Variants in SPATA3 observed in about 807,000 individuals in gnomAD.
The protein encoded by SPATA3 is spermatogenesis associated 3.
In SPATA3, 6 loss-of-function variants were observed where a neutral mutation model predicts 5.7. The ratio of observed to expected loss-of-function variants is 1.06; its 90% CI spans 0.58 to 2.09. The LOEUF (loss-of-function observed/expected upper bound fraction) is 2.09. Ranked by LOEUF, SPATA3 falls within the 30% of genes most tolerant of loss-of-function variation. The pLI is 0.00. For synonymous variants in SPATA3, 44 were observed against 48.4 expected, an observed-to-expected ratio of 0.91 and a Z score of 0.37; for missense variants, 155 against 130.4, an observed-to-expected ratio of 1.19 and a Z score of -0.92.
downstream of SPATA3, chr2:231,007,371 AC>A (rs1692667064): frequency 1.3e-5 from 2 of 152,136 alleles, no homozygotes; most frequent in Admixed American, 1.3e-4. Context: ...GGCCCCAGTG[AC>A]CTTTTGGGCC....
At chr2:230,998,522 C>T (rs1692218609) in intron 1 of SPATA3, among the ~76,000 whole-genome samples, 1 of 152,196 alleles carries the variant, frequency 6.6e-6, no homozygotes, top group Non-Finnish European at 1.5e-5. Flanking sequence ...ATGGTGGTGG[C>T]TCGCCAGTGG....
chr2:231,017,457 T>A (rs2125127114), intron 6 of SPATA3, among the ~76,000 whole-genome samples: 1 of 152,326 alleles, frequency 6.6e-6, no homozygotes, highest in South Asian at 2.1e-4. Flanking sequence ...AAGAGTCCTA[T>A]AATTCACTCT....
chr2:231,018,833 T>C lies in SPATA3; in HGVS notation c.*566-887T>C, dbSNP rs534367102. 1.5e-4 allele frequency among the ~76,000 whole-genome samples: 23 copies of C among 151,748 alleles called. No individual in the cohort carries two copies. The East Asian group carries it at 4.1e-3, about 27-fold the overall frequency. On this transcript the variant is annotated intron_variant, in intron 6 of 8. Coordinates refer to the SPATA3 transcript ENST00000452881. The stretch of plus-strand genomic sequence containing the variant: ...CCAAGTAGCTGGGATTACAGGCACG[T>C]GCCACCACACCCAGCTAATTTTTTG...
Position 231,019,433 on chromosome 2 carries a change from C to T in SPATA3, c.*566-287C>T, listed in dbSNP as rs1266145834. On this transcript the variant is annotated intron_variant, in intron 6 of 8. Coordinates refer to the SPATA3 transcript ENST00000452881. ...CCGCCTCCCGGGTTCACACCATTCT[C>T]CTGCCTCAGCCTCCCGAGTAGCTGG... Among the ~76,000 whole-genome samples, 6 of 144,890 alleles carry T rather than the reference C, an allele frequency of 4.1e-5. 1 individual carries two copies. Among genetic ancestry groups the T allele is most frequent in the Non-Finnish European group, 7.7e-5 (5 of 64,924 alleles).
chr2:230,996,532 C>T (rs1393519866), intron 1 of SPATA3: 16 of 1,551,510 alleles, frequency 1.0e-5, no homozygotes, highest in South Asian at 4.8e-5. Flanking sequence ...TCCAGGAAAG[C>T]AGGTGGGCTG....
intron 2 of SPATA3, among the ~76,000 whole-genome samples, chr2:231,001,824 C>A (rs1040441415): frequency 3.9e-5 from 6 of 152,154 alleles, no homozygotes; most frequent in Admixed American, 1.3e-4. Context: ...ATGCAAGATG[C>A]AAAGAGCCTT....
At position 231,018,506 on chromosome 2, in the gene SPATA3, C is replaced by T. The variant is rs564613066; in HGVS notation, c.*566-1214C>T. On this transcript the variant is annotated intron_variant, in intron 6 of 8. Coordinates refer to the SPATA3 transcript ENST00000452881. ...CTTTTAGTCTCATAGTTTGTGTGGT[C>T]CCTATGCACATGTTCTTGTTAATAC... Among the ~76,000 whole-genome samples, 4 of 151,706 alleles carry T rather than the reference C, an allele frequency of 2.6e-5. No homozygotes were observed. The East Asian group carries it at 5.8e-4, about 22-fold the overall frequency.
intron 1 of SPATA3, among the ~76,000 whole-genome samples, chr2:230,998,390 C>A (rs1692210722): frequency 6.6e-6 from 1 of 152,192 alleles, no homozygotes; most frequent in South Asian, 2.1e-4. Flanking sequence ...ATCTTCAGAA[C>A]TGGCATCTTC....
chr2:231,005,325 C>CCAT, downstream of SPATA3, among the ~76,000 whole-genome samples: 1 of 52,278 alleles, frequency 1.9e-5, no homozygotes, highest in African/African-American at 6.3e-5. Flanking sequence ...ATCATCATCA[C>CCAT]CATCATCACC....
At chr2:231,016,637 A>G (rs906052246) in intron 6 of SPATA3, among the ~76,000 whole-genome samples, 34 of 152,132 alleles carry the variant, frequency 2.2e-4, no homozygotes, top group Non-Finnish European at 3.7e-4. Flanking sequence ...GTGAGCCAAT[A>G]TCGTGCCACT....
At chr2:231,017,555 C>CA (rs1172092508) in intron 6 of SPATA3, among the ~76,000 whole-genome samples, 11 of 152,230 alleles carry the variant, frequency 7.2e-5, no homozygotes, top group Non-Finnish European at 1.5e-4. Flanking sequence ...ATGTGGGGGC[C>CA]ACCTAGGGGC....
At chr2:231,000,179 G>C (rs1692290202) in intron 1 of SPATA3, among the ~76,000 whole-genome samples, 187 bp from the exon 2 acceptor site, 1 of 152,186 alleles carries the variant, frequency 6.6e-6, no homozygotes, top group African/African-American at 2.4e-5. Context: ...TTTTGTGGGA[G>C]AACTGCCTTC....
intron 2 of SPATA3, among the ~76,000 whole-genome samples, chr2:231,002,185 A>G (rs1479286141): frequency 1.3e-5 from 2 of 152,180 alleles, no homozygotes; most frequent in African/African-American, 4.8e-5. Context: ...AAGAATCCCT[A>G]TTTTTGTAGG....
chr2:231,018,511 T>C (rs929340591), intron 6 of SPATA3, among the ~76,000 whole-genome samples: 1 of 152,106 alleles, frequency 6.6e-6, no homozygotes, highest in Non-Finnish European at 1.5e-5. Flanking sequence ...GTGGTCCCTA[T>C]GCACATGTTC....
At chr2:231,005,977 A>G (rs1334284323), downstream of SPATA3, among the ~76,000 whole-genome samples, 2 of 149,086 alleles carry the variant, frequency 1.3e-5, no homozygotes, top group African/African-American at 5.0e-5. Flanking sequence ...CAGCCTGGGT[A>G]ACATACCAAG....
intron 1 of SPATA3, among the ~76,000 whole-genome samples, chr2:230,997,776 G>T (rs114413001): frequency 0.02 from 3,036 of 152,318 alleles, 111 homozygotes; most frequent in African/African-American, 0.069. Context: ...AGTTCAGGAG[G>T]TGGGCTGGTT....
At chr2:231,005,547 T>C (rs1247320553), downstream of SPATA3, among the ~76,000 whole-genome samples, 9 of 55,938 alleles carry the variant, frequency 1.6e-4, no homozygotes, top group African/African-American at 2.1e-4. Flanking sequence ...ACCACCATCA[T>C]CACCACCACC....
chr2:231,007,090 T>A (rs768052293), downstream of SPATA3: 1 of 151,980 alleles, frequency 6.6e-6, no homozygotes, highest in Non-Finnish European at 1.5e-5. Flanking sequence ...CCTAAATAAT[T>A]TATTTCTCCA....
chr2:230,997,542 GT>G (rs1464692161), intron 1 of SPATA3, among the ~76,000 whole-genome samples: 1 of 152,200 alleles, frequency 6.6e-6, no homozygotes, highest in Admixed American at 6.5e-5. Flanking sequence ...TAGTATGTGT[GT>G]CCCCAGTATT....
Sources: allele counts gnomAD v4.1 joint callset (sites outside exome capture counted in the v4.1 genomes callset), GRCh38; gene constraint gnomAD v4.1.1; transcripts MANE v1.5; gene names NCBI Gene and HGNC (gene_info 2026-07-23, HGNC 2026-07-21).